LRRC4C: variants seen among roughly 807,000 people sequenced by gnomAD.
LRRC4C encodes the protein leucine-rich repeat-containing protein 4C.
In LRRC4C, 5 loss-of-function variants were observed where a neutral mutation model predicts 33.6. That is an observed-to-expected ratio of 0.15 (90% CI 0.08 to 0.31). LRRC4C has a LOEUF of 0.31. Among genes scored for constraint, LRRC4C ranks in the 10% least tolerant of loss-of-function variants. The pLI is 1.00. For synonymous variants in LRRC4C, 329 were observed against 302.0 expected (o/e 1.09, Z -0.93); for missense variants, 560 against 796.7 (o/e 0.70, Z 3.58).
intron 1 of LRRC4C, among the ~76,000 whole-genome samples, chr11:40,971,914 G>T (rs1468239803): frequency 1.3e-5 from 2 of 152,172 alleles, no homozygotes; most frequent in South Asian, 2.1e-4. Context: ...CTTGCGTGGG[G>T]CCTGTAGCTC....
At chr11:40,963,579 C>G (rs906129283) in intron 1 of LRRC4C, among the ~76,000 whole-genome samples, 3 of 151,718 alleles carry the variant, frequency 2.0e-5, no homozygotes, top group Admixed American at 2.0e-4. Flanking sequence ...ACATAAGATG[C>G]TTTGTAGCCT....
intron 2 of LRRC4C, among the ~76,000 whole-genome samples, chr11:40,687,485 C>G (rs980300700): frequency 6.6e-6 from 1 of 152,036 alleles, no homozygotes; most frequent in Non-Finnish European, 1.5e-5. Flanking sequence ...TTCCCCTACA[C>G]TCTGATATTC....
At chr11:40,450,605 T>G (rs913130055) in intron 3 of LRRC4C, among the ~76,000 whole-genome samples, 7 of 152,056 alleles carry the variant, frequency 4.6e-5, no homozygotes, top group African/African-American at 7.2e-5. Context: ...CTATAATCAT[T>G]TAGCAAAGCC....
chr11:40,217,574 C>T (rs1026429531), intron 5 of LRRC4C, among the ~76,000 whole-genome samples: 15 of 152,096 alleles, frequency 9.9e-5, no homozygotes, highest in African/African-American at 3.4e-4. Context: ...ATCTGGTATA[C>T]AAATTAAATG....
chr11:40,494,173 C>T (rs1954307476), intron 3 of LRRC4C, among the ~76,000 whole-genome samples: 1 of 152,102 alleles, frequency 6.6e-6, no homozygotes, highest in Non-Finnish European at 1.5e-5. Context: ...TAATGGCTCT[C>T]CAGTATTGGT....
chr11:41,411,191 C>T (rs1187252087), intron 1 of LRRC4C, among the ~76,000 whole-genome samples: 2 of 79,204 alleles, frequency 2.5e-5, no homozygotes, highest in Admixed American at 2.7e-4. Context: ...CTCTGTCGCC[C>T]AGGCTGGAGT....
At chr11:40,481,382 C>T (rs951770224) in intron 3 of LRRC4C, among the ~76,000 whole-genome samples, 35 of 152,166 alleles carry the variant, frequency 2.3e-4, no homozygotes, top group South Asian at 6.2e-4. Context: ...TATGAGCAAA[C>T]ATTTTGATGA....
At chr11:40,533,852 G>A (rs1178356972) in intron 3 of LRRC4C, among the ~76,000 whole-genome samples, 1 of 152,082 alleles carries the variant, frequency 6.6e-6, no homozygotes, top group Non-Finnish European at 1.5e-5. Context: ...TGTGTCCAAG[G>A]ACTCAAGGCT....
chr11:40,637,129 T>C (rs1414325045), intron 3 of LRRC4C, among the ~76,000 whole-genome samples: 1 of 152,252 alleles, frequency 6.6e-6, no homozygotes, highest in Non-Finnish European at 1.5e-5. Flanking sequence ...ATTTTAAAAG[T>C]GCCTTTTGGC....
At chr11:40,670,275 C>G (rs1018437449) in intron 2 of LRRC4C, among the ~76,000 whole-genome samples, 2 of 152,070 alleles carry the variant, frequency 1.3e-5, no homozygotes, top group Non-Finnish European at 2.9e-5. Flanking sequence ...AAAATTTGAG[C>G]CTTGATAAAA....
intron 2 of LRRC4C, among the ~76,000 whole-genome samples, chr11:40,737,120 T>C (rs1014424715): frequency 1.3e-5 from 2 of 151,948 alleles, no homozygotes; most frequent in African/African-American, 4.8e-5. Context: ...CTATGGTTTT[T>C]ATGGTTTATC....
At chr11:40,196,690 T>C (rs1862289882) in intron 5 of LRRC4C, among the ~76,000 whole-genome samples, 1 of 152,194 alleles carries the variant, frequency 6.6e-6, no homozygotes, top group Admixed American at 6.5e-5. Flanking sequence ...CAAAAGTGTC[T>C]ACTCAATTAA....
intron 1 of LRRC4C, among the ~76,000 whole-genome samples, chr11:41,135,792 G>A (rs891551728): frequency 3.3e-5 from 5 of 152,124 alleles, no homozygotes; most frequent in Admixed American, 1.3e-4. Flanking sequence ...CCAATAGAAT[G>A]CTAATTGCCC....
chr11:41,152,848 T>C (rs1393788880), intron 1 of LRRC4C, among the ~76,000 whole-genome samples: 2 of 152,162 alleles, frequency 1.3e-5, no homozygotes, highest in African/African-American at 2.4e-5. Context: ...TGGTCTCCTT[T>C]CTGGGGAAAT....
At chr11:40,866,060 A>G (rs1457875770) in intron 2 of LRRC4C, among the ~76,000 whole-genome samples, 1 of 151,832 alleles carries the variant, frequency 6.6e-6, no homozygotes, top group East Asian at 1.9e-4. Flanking sequence ...CTATAAATGA[A>G]TCCTTGCCAA....
chr11:40,662,229 C>T (rs1421996629), intron 2 of LRRC4C, among the ~76,000 whole-genome samples: 1 of 152,084 alleles, frequency 6.6e-6, no homozygotes, highest in African/African-American at 2.4e-5. Flanking sequence ...AATGTCAATC[C>T]TAGGTGGCCA....
chr11:41,156,853 T>G (rs1437764561), intron 1 of LRRC4C, among the ~76,000 whole-genome samples: 1 of 152,064 alleles, frequency 6.6e-6, no homozygotes, highest in Non-Finnish European at 1.5e-5. Context: ...TGGATGTTTT[T>G]GTCCCCTTTA....
At chr11:41,303,462 C>T (rs1484295102) in intron 1 of LRRC4C, among the ~76,000 whole-genome samples, 1 of 132,592 alleles carries the variant, frequency 7.5e-6, no homozygotes, top group Non-Finnish European at 1.6e-5. Context: ...AGCCGCCTGC[C>T]TTGGCCTCCC....
At chr11:40,726,904 A>G (rs145911558) in intron 2 of LRRC4C, among the ~76,000 whole-genome samples, 159 of 152,340 alleles carry the variant, frequency 1.0e-3, no homozygotes, top group African/African-American at 3.7e-3. Flanking sequence ...TAACTTAGAT[A>G]GGGTTTCAGT....
Sources: allele counts gnomAD v4.1 joint callset (sites outside exome capture counted in the v4.1 genomes callset), GRCh38; gene constraint gnomAD v4.1.1; transcripts MANE v1.5; gene names NCBI Gene and HGNC (gene_info 2026-07-23, HGNC 2026-07-21).